The following DOCK7 variants were observed in gnomAD, a reference collection of about 807,000 sequenced individuals.
DOCK7 encodes the protein dedicator of cytokinesis protein 7.
In DOCK7, 138 loss-of-function variants were observed where a neutral mutation model predicts 271.0. The observed-to-expected ratio is 0.51, with a 90% CI of 0.44 to 0.59. DOCK7 has a LOEUF of 0.59. Among genes scored for constraint, DOCK7 ranks in the 20% least tolerant of loss-of-function variants. The pLI, the probability that DOCK7 is intolerant of heterozygous loss-of-function variation, is 0.00. For synonymous variants in DOCK7, 823 were observed against 876.1 expected (o/e 0.94, Z 1.07); for missense variants, 2,066 against 2,592.4 (o/e 0.80, Z 4.41).
intron 28 of DOCK7, among the ~76,000 whole-genome samples, chr1:62,535,978 T>C (rs1465221677): frequency 6.6e-6 from 1 of 152,214 alleles, no homozygotes; most frequent in African/African-American, 2.4e-5. Flanking sequence ...TGACATAGTA[T>C]GCACTTACCC....
chr1:62,505,625 G>A, intron 36 of DOCK7, 57 bp downstream of exon 36: 1 of 1,544,408 alleles, frequency 6.5e-7, no homozygotes. Flanking sequence ...AATGATCTTA[G>A]ACAATGTTAA....
At chr1:62,603,500 A>T (rs1465977066) in intron 14 of DOCK7, among the ~76,000 whole-genome samples, 4 of 151,828 alleles carry the variant, frequency 2.6e-5, no homozygotes, top group Non-Finnish European at 5.9e-5. Flanking sequence ...AAGAAAGCAT[A>T]CATTAAGCAA....
Position 62,552,724 on chromosome 1 carries a change from C to T in DOCK7, c.2766+8G>A, listed in dbSNP as rs578026947. 23 of 1,589,934 alleles carry T rather than the reference C, an allele frequency of 1.4e-5. No individual in the cohort carries two copies. In the Admixed American group the frequency reaches 2.8e-4, roughly 19 times the overall value. On this transcript the variant is annotated splice_region_variant and intron_variant, in intron 22 of 49. Transcript: ENST00000635253. ...AACCAAATTTACAGATGCATGTCTT[C>T]AGTTTACCTTACTCCCGATGATTGA...
intron 17 of DOCK7, 143 bp downstream of exon 17, chr1:62,578,685 G>T: frequency 1.3e-6 from 1 of 753,958 alleles, no homozygotes; most frequent in Non-Finnish European, 1.8e-6. Flanking sequence ...TCGCGCCACT[G>T]CACTCCAGCC....
chr1:62,590,464 T>C (rs1648272745), intron 14 of DOCK7, among the ~76,000 whole-genome samples: 1 of 152,160 alleles, frequency 6.6e-6, no homozygotes, highest in African/African-American at 2.4e-5. Flanking sequence ...CTGAAGTATG[T>C]CTATAATTCC....
At chr1:62,576,626 T>C (rs1557744684) in intron 18 of DOCK7, among the ~76,000 whole-genome samples, 1 of 152,248 alleles carries the variant, frequency 6.6e-6, no homozygotes, top group African/African-American at 2.4e-5. Context: ...GAGTAACATT[T>C]ACCAGCAGTT....
At chr1:62,657,849 GA>G (rs533640166) in intron 2 of DOCK7, among the ~76,000 whole-genome samples, 164 of 151,880 alleles carry the variant, frequency 1.1e-3, no homozygotes, top group African/African-American at 3.6e-3. Flanking sequence ...TATCCAATCT[GA>G]ACAGCATTAA....
At chr1:62,475,569 T>G in intron 46 of DOCK7, 138 bp downstream of exon 46, 1 of 1,076,704 alleles carries the variant, frequency 9.3e-7, no homozygotes, top group Non-Finnish European at 1.3e-6. Flanking sequence ...AGTAAAAAAT[T>G]GAGGACTCAA....
At chr1:62,607,235 C>T (rs1651132573) in intron 14 of DOCK7, among the ~76,000 whole-genome samples, 1 of 151,934 alleles carries the variant, frequency 6.6e-6, no homozygotes, top group East Asian at 1.9e-4. Flanking sequence ...CCCCTTACTG[C>T]TACTGCTATC....
chr1:62,640,172 A>G (rs1655815311), intron 7 of DOCK7, among the ~76,000 whole-genome samples: 1 of 152,212 alleles, frequency 6.6e-6, no homozygotes, highest in Non-Finnish European at 1.5e-5. Context: ...AAGGCCTACC[A>G]TAAGACATTA....
At chr1:62,501,350 A>C (rs1202118719) in intron 37 of DOCK7, among the ~76,000 whole-genome samples, 2 of 152,232 alleles carry the variant, frequency 1.3e-5, no homozygotes, top group African/African-American at 4.8e-5. Flanking sequence ...CAGCTAAGAA[A>C]AACACTAGGA....
chr1:62,578,615 A>C (rs1261198492), intron 17 of DOCK7, among the ~76,000 whole-genome samples: 1 of 146,704 alleles, frequency 6.8e-6, no homozygotes, highest in South Asian at 2.3e-4. Flanking sequence ...CCAGCTATTC[A>C]GGAGGCTGAG....
chr1:62,502,004 A>G (rs1475387772), intron 37 of DOCK7, among the ~76,000 whole-genome samples: 1 of 152,100 alleles, frequency 6.6e-6, no homozygotes, highest in Non-Finnish European at 1.5e-5. Context: ...ACCATTCAAA[A>G]CTGCTATTTA....
chr1:62,495,762 G>A, intron 38 of DOCK7, 81 bp from the exon 39 acceptor site: 4 of 1,098,914 alleles, frequency 3.6e-6, no homozygotes, highest in Non-Finnish European at 5.2e-6. Flanking sequence ...AGATATTTCA[G>A]ATAAATATCT....
chr1:62,688,365 C>G lies in DOCK7; in HGVS notation c.-101G>C. On this transcript the variant is annotated 5_prime_UTR_variant, in exon 1 of 50. Coordinates refer to ENST00000635253, the MANE Select transcript of DOCK7 (RefSeq NM_001367561.1). ...CTCGTGCTCCCTCCCTCGCGGCCTC[C>G]GCCAGTCCGGGCTCCGGACCTGGGA... 2 of 784,882 alleles carry G rather than the reference C, an allele frequency of 2.5e-6. No homozygotes were observed. The highest frequency in any genetic ancestry group is 1.8e-5 in the African/African-American group (1 of 54,756). 48.6% of individuals were successfully genotyped at this position (784,882 alleles called of 1,614,324 possible). A position where few individuals can be genotyped will look rare whatever the true frequency, so the allele number is the denominator to read the frequency against.
chr1:62,605,915 A>AT (rs1650922386), intron 14 of DOCK7: 2 of 152,000 alleles, frequency 1.3e-5, no homozygotes, highest in African/African-American at 4.8e-5. Flanking sequence ...TTTAAATATG[A>AT]TTTTTTAAAA....
At chr1:62,572,579 A>G (rs1163228560) in intron 18 of DOCK7, among the ~76,000 whole-genome samples, 1 of 152,190 alleles carries the variant, frequency 6.6e-6, no homozygotes, top group Non-Finnish European at 1.5e-5. Flanking sequence ...CAGCATGGTC[A>G]GTTTCTGGTG....
intron 7 of DOCK7, chr1:62,638,247 T>C (rs919514183): frequency 1.3e-5 from 2 of 152,190 alleles, no homozygotes; most frequent in African/African-American, 4.8e-5. Flanking sequence ...AAATACCTTC[T>C]CCTTCTCTAT....
At chr1:62,508,120 C>T (rs1646996467) in intron 34 of DOCK7, 62 bp from the exon 35 acceptor site, 1 of 1,401,388 alleles carries the variant, frequency 7.1e-7, no homozygotes, top group Non-Finnish European at 9.6e-7. Flanking sequence ...TCTGAAAAGA[C>T]TTAAGGATGC....
Sources: gnomAD v4.1 joint callset for allele counts (sites outside exome capture counted in the v4.1 genomes callset) on GRCh38, gnomAD v4.1.1 for gene constraint, MANE v1.5 for transcripts, NCBI Gene and HGNC (gene_info 2026-07-23, HGNC 2026-07-21) for gene names.